CTNND2: variants seen among roughly 807,000 people sequenced by gnomAD.
CTNND2 encodes catenin delta-2.
In CTNND2, 22 loss-of-function variants were observed where a neutral mutation model predicts 144.4. That is an observed-to-expected ratio of 0.15 (90% CI 0.11 to 0.22). The LOEUF (loss-of-function observed/expected upper bound fraction) is 0.22, where lower values mean the gene tolerates loss of function less well. CTNND2 is among the 10% of genes least tolerant of loss of function. The probability of loss-of-function intolerance (pLI) is 1.00; values close to 1 mark genes in which losing one functional copy is unlikely to be tolerated. For synonymous variants in CTNND2, 751 were observed against 695.6 expected (o/e 1.08, Z -1.25); for missense variants, 1,353 against 1,618.8 (o/e 0.84, Z 2.82).
intron 3 of CTNND2, among the ~76,000 whole-genome samples, chr5:11,540,663 C>T (rs766205631): frequency 4.6e-5 from 7 of 152,156 alleles, no homozygotes; most frequent in Admixed American, 1.3e-4. Flanking sequence ...GCGTGCATCA[C>T]CACGCCCAGC....
intron 2 of CTNND2, among the ~76,000 whole-genome samples, chr5:11,697,458 C>T (rs1484405530): frequency 6.6e-6 from 1 of 152,118 alleles, no homozygotes; most frequent in African/African-American, 2.4e-5. Flanking sequence ...AAAAAATAAG[C>T]ATTAAAATGC....
intron 1 of CTNND2, among the ~76,000 whole-genome samples, chr5:11,882,223 T>C (rs1389150188): frequency 6.6e-6 from 1 of 152,096 alleles, no homozygotes; most frequent in Non-Finnish European, 1.5e-5. Context: ...TAGTTTAATA[T>C]TGATATGATC....
chr5:11,751,073 G>A (rs2126785522), intron 1 of CTNND2, among the ~76,000 whole-genome samples: 1 of 151,902 alleles, frequency 6.6e-6, no homozygotes, highest in Non-Finnish European at 1.5e-5. Flanking sequence ...CTCCACTAAA[G>A]TGTAAACCTG....
chr5:11,878,685 T>C (rs1414551456), intron 1 of CTNND2, among the ~76,000 whole-genome samples: 1 of 152,180 alleles, frequency 6.6e-6, no homozygotes, highest in Admixed American at 6.5e-5. Context: ...AGGTTATTAT[T>C]TGCTAAGAGT....
At chr5:11,848,475 A>G (rs1794852602) in intron 1 of CTNND2, among the ~76,000 whole-genome samples, 1 of 152,180 alleles carries the variant, frequency 6.6e-6, no homozygotes, top group Non-Finnish European at 1.5e-5. Context: ...TACTACCCAT[A>G]ACGTGAATTT....
At chr5:11,240,237 CAACA>C (rs1742117607) in intron 9 of CTNND2, among the ~76,000 whole-genome samples, 1 of 109,494 alleles carries the variant, frequency 9.1e-6, no homozygotes. Context: ...ACACACACAC[CAACA>C]CACACACTCA....
intron 16 of CTNND2, among the ~76,000 whole-genome samples, chr5:11,054,548 A>T (rs1299688008): frequency 6.6e-6 from 1 of 151,980 alleles, no homozygotes; most frequent in Non-Finnish European, 1.5e-5. Context: ...GTCCACTGGG[A>T]TCCCCTCAGC....
intron 2 of CTNND2, among the ~76,000 whole-genome samples, chr5:11,653,342 C>T (rs1782745329): frequency 6.6e-6 from 1 of 152,008 alleles, no homozygotes; most frequent in South Asian, 2.1e-4. Flanking sequence ...AATGTCTCTA[C>T]CAATTTTCAG....
intron 14 of CTNND2, among the ~76,000 whole-genome samples, chr5:11,108,610 C>T (rs1229978938): frequency 6.6e-6 from 1 of 152,176 alleles, no homozygotes; most frequent in African/African-American, 2.4e-5. Flanking sequence ...TGCAGACAGA[C>T]ATATATTTTT....
At position 11,394,325 on chromosome 5, in the gene CTNND2, C is replaced by G. The variant is rs1581101475; in HGVS notation, c.612+2706G>C. On this transcript the variant is annotated intron_variant, in intron 6 of 21. Coordinates refer to ENST00000304623, the MANE Select transcript of CTNND2 (RefSeq NM_001332.4). Reference sequence around the variant, plus strand: ...TCCCAAGCACATGGGCTCATGGCATCAATTGGCACATGATAAACATCTTGA... The same window carrying G: ...TCCCAAGCACATGGGCTCATGGCATGAATTGGCACATGATAAACATCTTGA... Among the ~76,000 whole-genome samples the G allele has an allele frequency of 3.3e-5, 5 of 152,132 alleles. No individual in the cohort carries two copies. In the East Asian group the frequency reaches 9.6e-4, roughly 29 times the overall value.
chr5:11,766,545 C>T (rs1015517671), intron 1 of CTNND2, among the ~76,000 whole-genome samples: 1 of 152,158 alleles, frequency 6.6e-6, no homozygotes, highest in Admixed American at 6.5e-5. Flanking sequence ...TGCCTTCTGC[C>T]GTGATTGTGA....
At chr5:11,433,162 C>T (rs573819148) in intron 3 of CTNND2, among the ~76,000 whole-genome samples, 33 of 152,256 alleles carry the variant, frequency 2.2e-4, no homozygotes, top group African/African-American at 4.3e-4. Flanking sequence ...AGGAGAATGG[C>T]GTGAACCCGG....
chr5:11,019,671 A>G (rs539529456), intron 17 of CTNND2, among the ~76,000 whole-genome samples: 4 of 152,324 alleles, frequency 2.6e-5, no homozygotes, highest in Admixed American at 2.0e-4. Context: ...TTTCTACCTG[A>G]AAAACTCTTC....
chr5:11,117,194 G>C (rs1294634399), intron 13 of CTNND2, among the ~76,000 whole-genome samples: 1 of 151,536 alleles, frequency 6.6e-6, no homozygotes, highest in African/African-American at 2.4e-5. Flanking sequence ...CACTCAACTG[G>C]AACACCTGTG....
chr5:11,785,631 TCC>T, intron 1 of CTNND2, among the ~76,000 whole-genome samples: 1 of 146,446 alleles, frequency 6.8e-6, no homozygotes, highest in Non-Finnish European at 1.5e-5. Context: ...TATAGGAGTA[TCC>T]CAAACTCGCA....
chr5:11,216,830 T>C (rs1338148246), intron 10 of CTNND2, among the ~76,000 whole-genome samples: 2 of 152,244 alleles, frequency 1.3e-5, no homozygotes, highest in Admixed American at 1.3e-4. Flanking sequence ...AGAGGGTTGC[T>C]GTGCCCACTC....
At chr5:10,982,618 G>A (rs1465137305) in intron 20 of CTNND2, among the ~76,000 whole-genome samples, 1 of 152,230 alleles carries the variant, frequency 6.6e-6, no homozygotes, top group Non-Finnish European at 1.5e-5. Context: ...TTGGTAGAAT[G>A]ACCATATCAC....
chr5:11,701,722 A>G (rs1243378484), intron 2 of CTNND2, among the ~76,000 whole-genome samples: 2 of 152,120 alleles, frequency 1.3e-5, no homozygotes, highest in African/African-American at 4.8e-5. Context: ...CTCCTGTAGT[A>G]TAAGTGCAGC....
chr5:10,984,424 T>C lies in CTNND2; in HGVS notation c.3344-2578A>G, dbSNP rs116106149. ...TCTGTTGCTCAGAATTAAATGCATA[T>C]ATTTTTTAGAACGTTTGCACTATTG... On this transcript the variant is annotated intron_variant, in intron 20 of 21. Transcript: ENST00000304623. Among the ~76,000 whole-genome samples the C allele has an allele frequency of 2.8e-3, 429 of 152,356 alleles. 1 individual carries two copies. Among genetic ancestry groups the C allele is most frequent in the African/African-American group, 9.9e-3 (413 of 41,586 alleles).
Sources: allele counts gnomAD v4.1 joint callset (sites outside exome capture counted in the v4.1 genomes callset), GRCh38; gene constraint gnomAD v4.1.1; transcripts MANE v1.5; gene names NCBI Gene and HGNC (gene_info 2026-07-23, HGNC 2026-07-21).